Variants in GABBR2 observed in about 807,000 individuals in gnomAD.
GABBR2 encodes G-protein coupled receptor 51.
GABBR2 carries 23 observed loss-of-function variants against 105.6 expected under a neutral mutation model. The observed-to-expected ratio is 0.22, with a 90% CI of 0.16 to 0.31. GABBR2 has a LOEUF of 0.31. GABBR2 is among the 10% of genes least tolerant of loss of function. The pLI is 1.00. For missense variants in GABBR2, 734 were observed against 1,245.5 expected (o/e 0.59, Z 6.18); for synonymous variants, 478 against 499.7 (o/e 0.96, Z 0.58).
chr9:98,679,575 A>AGGT (rs1830515362), intron 1 of GABBR2, among the ~76,000 whole-genome samples: 2 of 152,252 alleles, frequency 1.3e-5, no homozygotes, highest in African/African-American at 4.8e-5. Flanking sequence ...GATAGCCTTC[A>AGGT]GGACACACTA....
chr9:98,489,902 G>C (rs530567402), intron 4 of GABBR2, among the ~76,000 whole-genome samples: 1 of 152,194 alleles, frequency 6.6e-6, no homozygotes, highest in African/African-American at 2.4e-5. Flanking sequence ...AGACCAGCCT[G>C]GCCAACATGG....
intron 3 of GABBR2, among the ~76,000 whole-genome samples, chr9:98,535,772 C>T (rs1040826140): frequency 6.6e-6 from 1 of 152,044 alleles, no homozygotes; most frequent in African/African-American, 2.4e-5. Flanking sequence ...GGAAATAAGC[C>T]AATCTGAAAA....
intron 1 of GABBR2, among the ~76,000 whole-genome samples, chr9:98,671,641 C>T (rs1396703447): frequency 6.6e-6 from 1 of 152,198 alleles, no homozygotes; most frequent in Non-Finnish European, 1.5e-5. Flanking sequence ...TCTCTACATC[C>T]TCACCAGCAC....
At chr9:98,447,305 C>T (rs1826150513) in intron 7 of GABBR2, among the ~76,000 whole-genome samples, 1 of 112,884 alleles carries the variant, frequency 8.9e-6, no homozygotes, top group South Asian at 4.0e-4. Context: ...CCTCGTGATC[C>T]ACCCGCCTCG....
intron 7 of GABBR2, among the ~76,000 whole-genome samples, chr9:98,449,552 C>T (rs1207152224): frequency 1.3e-5 from 2 of 151,976 alleles, no homozygotes; most frequent in Non-Finnish European, 2.9e-5. Context: ...ACCACAGAAT[C>T]AGAAGTTATG....
At chr9:98,674,126 C>T (rs1031768898) in intron 1 of GABBR2, among the ~76,000 whole-genome samples, 6 of 152,152 alleles carry the variant, frequency 3.9e-5, no homozygotes, top group African/African-American at 1.4e-4. Flanking sequence ...TTATAAACTT[C>T]CCTTGGCAGT....
chr9:98,614,004 A>G (rs1457916990), intron 1 of GABBR2, among the ~76,000 whole-genome samples: 4 of 152,232 alleles, frequency 2.6e-5, no homozygotes, highest in Non-Finnish European at 5.9e-5. Flanking sequence ...GTGGGTTGTG[A>G]TGCATGATTA....
At chr9:98,377,305 C>T (rs757314021) in intron 11 of GABBR2, among the ~76,000 whole-genome samples, 12 of 151,960 alleles carry the variant, frequency 7.9e-5, no homozygotes, top group Non-Finnish European at 1.0e-4. Context: ...GACAAGTGGG[C>T]GTCAGGGCCA....
At chr9:98,690,962 T>C (rs1308398091) in intron 1 of GABBR2, among the ~76,000 whole-genome samples, 1 of 152,242 alleles carries the variant, frequency 6.6e-6, no homozygotes. Context: ...ACAACAGTTA[T>C]ATCAGCACAG....
chr9:98,589,400 A>C (rs564535512), intron 1 of GABBR2, among the ~76,000 whole-genome samples: 5 of 152,234 alleles, frequency 3.3e-5, no homozygotes, highest in African/African-American at 1.2e-4. Context: ...TGACATAAGC[A>C]AGAAATAACT....
intron 2 of GABBR2, among the ~76,000 whole-genome samples, chr9:98,555,304 A>G (rs144923088): frequency 6.6e-6 from 1 of 152,362 alleles, no homozygotes; most frequent in East Asian, 1.9e-4. Flanking sequence ...GATTTGCTCA[A>G]ACTCAAGTGG....
At chr9:98,399,979 C>T (rs1311578029) in intron 8 of GABBR2, among the ~76,000 whole-genome samples, 1 of 150,568 alleles carries the variant, frequency 6.6e-6, no homozygotes, top group South Asian at 2.1e-4. Context: ...GAGTTTGAGA[C>T]CTGCTTGGGC....
At chr9:98,365,250 A>T (rs1648880353) in intron 12 of GABBR2, among the ~76,000 whole-genome samples, 1 of 152,260 alleles carries the variant, frequency 6.6e-6, no homozygotes. Flanking sequence ...TTAGTATAAG[A>T]ATAAAATGAG....
At chr9:98,503,995 G>A (rs1358325086) in intron 3 of GABBR2, among the ~76,000 whole-genome samples, 1 of 152,110 alleles carries the variant, frequency 6.6e-6, no homozygotes, top group Admixed American at 6.6e-5. Context: ...GAATCATCAA[G>A]CTTACAGCTG....
intron 7 of GABBR2, among the ~76,000 whole-genome samples, chr9:98,438,843 A>T (rs1483309395): frequency 6.6e-6 from 1 of 152,164 alleles, no homozygotes; most frequent in Non-Finnish European, 1.5e-5. Context: ...TAACTACACA[A>T]GCTGGCCAAG....
intron 3 of GABBR2, among the ~76,000 whole-genome samples, chr9:98,523,185 A>C (rs1827898625): frequency 6.6e-6 from 1 of 152,230 alleles, no homozygotes; most frequent in Non-Finnish European, 1.5e-5. Flanking sequence ...CAAATTAAGA[A>C]ATTAGAAGAA....
intron 1 of GABBR2, among the ~76,000 whole-genome samples, chr9:98,701,951 C>T (rs1250231284): frequency 6.6e-6 from 1 of 152,098 alleles, no homozygotes; most frequent in Non-Finnish European, 1.5e-5. Flanking sequence ...AACAGAGCAG[C>T]GATATTTCCT....
At chr9:98,474,938 T>C (rs112880390) in intron 5 of GABBR2, among the ~76,000 whole-genome samples, 1,970 of 152,208 alleles carry the variant, frequency 0.013, 37 homozygotes, top group African/African-American at 0.045. Flanking sequence ...GAGCAGCTCA[T>C]TGGGGTACAT....
chr9:98,432,812 G>A (rs1168152917), intron 7 of GABBR2, among the ~76,000 whole-genome samples: 1 of 152,076 alleles, frequency 6.6e-6, no homozygotes, highest in African/African-American at 2.4e-5. Context: ...TCAGCCCCAC[G>A]TGAGGCCCAC....
Sources: allele counts gnomAD v4.1 joint callset (sites outside exome capture counted in the v4.1 genomes callset), GRCh38; gene constraint gnomAD v4.1.1; transcripts MANE v1.5; gene names NCBI Gene and HGNC (gene_info 2026-07-23, HGNC 2026-07-21).